The following RALGAPB variants were observed in gnomAD, a reference collection of about 807,000 sequenced individuals.
RALGAPB encodes the protein ral GTPase-activating protein subunit beta.
In RALGAPB, 25 loss-of-function variants were observed where a neutral mutation model predicts 161.1. The ratio of observed to expected loss-of-function variants is 0.16; its 90% confidence interval spans 0.11 to 0.22. The LOEUF (loss-of-function observed/expected upper bound fraction) is 0.22, where lower values mean the gene tolerates loss of function less well. RALGAPB is among the 10% of genes least tolerant of loss of function. The pLI, the probability that RALGAPB is intolerant of heterozygous loss-of-function variation, is 1.00. For missense variants in RALGAPB, 1,391 were observed against 1,815.2 expected, an observed-to-expected ratio of 0.77 and a Z score of 4.25; for synonymous variants, 629 against 626.1, an observed-to-expected ratio of 1.00 and a Z score of -0.07.
At chr20:38,558,262 G>A (rs2087657837) in intron 22 of RALGAPB, 33 bp from the exon 23 acceptor site, 1 of 1,448,080 alleles carries the variant, frequency 6.9e-7, no homozygotes, top group Non-Finnish European at 9.2e-7. Context: ...AAGAAAATAG[G>A]TAATAATTGC....
At chr20:38,488,202 A>G (rs201179261) in intron 1 of RALGAPB, among the ~76,000 whole-genome samples, 6 of 152,226 alleles carry the variant, frequency 3.9e-5, no homozygotes, top group Admixed American at 3.3e-4. Flanking sequence ...AATTAAAACA[A>G]GTATTATCCA....
At chr20:38,571,740 T>C (rs569906698) in intron 28 of RALGAPB, among the ~76,000 whole-genome samples, 1 of 152,286 alleles carries the variant, frequency 6.6e-6, no homozygotes, top group African/African-American at 2.4e-5. Context: ...GATTGCTGGA[T>C]CATATGAACA....
intron 28 of RALGAPB, among the ~76,000 whole-genome samples, chr20:38,571,106 G>A: frequency 6.6e-6 from 1 of 152,114 alleles, no homozygotes; most frequent in Non-Finnish European, 1.5e-5. Flanking sequence ...AACTTGATGA[G>A]CTTGGAGATA....
At chr20:38,524,219 A>G (rs1197799258) in intron 10 of RALGAPB, among the ~76,000 whole-genome samples, 1 of 152,234 alleles carries the variant, frequency 6.6e-6, no homozygotes, top group East Asian at 1.9e-4. Flanking sequence ...GGTGACCTTC[A>G]TGATGAATAC....
At chr20:38,509,254 C>T (rs746372786) in intron 6 of RALGAPB, 46 bp downstream of exon 6, 6 of 1,575,128 alleles carry the variant, frequency 3.8e-6, no homozygotes, top group Middle Eastern at 1.7e-4. Flanking sequence ...TAGTAAGTAT[C>T]TTAGGGCAGG....
intron 22 of RALGAPB, 22 bp downstream of exon 22, chr20:38,554,098 GAATA>G (rs761864483): frequency 6.5e-7 from 1 of 1,531,584 alleles, no homozygotes; most frequent in Non-Finnish European, 9.0e-7. Context: ...GAACTTTTAT[GAATA>G]AATATATTCA....
rs1267966240 is a variant in RALGAPB, at chr20:38,517,886, C to T, written c.1303C>T (p.Pro435Ser). 6.2e-7 allele frequency: 1 copy of T among 1,613,818 alleles called. No homozygotes were observed. The highest frequency in any genetic ancestry group is 8.5e-7 in the Non-Finnish European group (1 of 1,179,754). The change falls in exon 9 of 30, where the codon CCT (proline) becomes TCT (serine). Residue 435 changes from proline (P) to serine (S), a missense_variant. By Grantham distance (74) the Pro-to-Ser change is moderately conservative. Around this residue, in one of 3 missense-constraint regions of RALGAPB, gnomAD observed 946 missense variants for 1,257.2 expected, o/e 0.75. Coordinates refer to ENST00000262879, the MANE Select transcript of RALGAPB (RefSeq NM_020336.4). ...TSSEPRPLPAPRRPKVNSILN... is the reference protein window; with the variant it reads ...TSSEPRPLPASRRPKVNSILN... Reference sequence around the variant, plus strand: ...TTCAGAACCCCGGCCACTGCCTGCCCCTCGGAGACCAAAGGTTAACAGCAT... The same window carrying T: ...TTCAGAACCCCGGCCACTGCCTGCCTCTCGGAGACCAAAGGTTAACAGCAT...
At chr20:38,489,244 C>T (rs1170636682) in intron 2 of RALGAPB, among the ~76,000 whole-genome samples, 1 of 152,264 alleles carries the variant, frequency 6.6e-6, no homozygotes, top group South Asian at 2.1e-4. Context: ...AGTGGCACCA[C>T]GGCTCACTGC....
intron 1 of RALGAPB, among the ~76,000 whole-genome samples, chr20:38,473,730 T>G (rs1215751147): frequency 2.0e-5 from 3 of 152,200 alleles, no homozygotes; most frequent in Non-Finnish European, 4.4e-5. Context: ...TCTCCAACTT[T>G]GCTACACTGT....
At chr20:38,555,441 C>G (rs1236976828) in intron 22 of RALGAPB, among the ~76,000 whole-genome samples, 2 of 151,818 alleles carry the variant, frequency 1.3e-5, no homozygotes, top group African/African-American at 4.8e-5. Flanking sequence ...AACATAAAAA[C>G]TTAAAATGCA....
chr20:38,523,723 T>C (rs888401776), intron 10 of RALGAPB, among the ~76,000 whole-genome samples: 2 of 152,150 alleles, frequency 1.3e-5, no homozygotes, highest in African/African-American at 4.8e-5. Flanking sequence ...AAGAAGTGTT[T>C]AAAATCAGGT....
rs56716236 is a variant in RALGAPB, at chr20:38,577,698, GAC to G, written c.*2764_*2765del. The stretch of plus-strand genomic sequence containing the variant: ...ATTGGGCCTTTGAAAGGACTAATCA[GAC>G]ACACACACACACACACACACACACA... On this transcript the variant is annotated 3_prime_UTR_variant, in exon 30 of 30. Transcript: ENST00000262879. 4,099 of 146,276 alleles carry G rather than the reference GAC, an allele frequency of 0.028. 61 individuals are homozygous for G. The highest frequency in any genetic ancestry group is 0.034 in the Non-Finnish European group (2,243 of 66,662). 9.1% of individuals were successfully genotyped at this position (146,276 alleles called of 1,614,324 possible).
At position 38,574,304 on chromosome 20, in the gene RALGAPB, G is replaced by T. The variant is rs746469132; in HGVS notation, c.4291+6G>T. 6.3e-7 allele frequency: 1 copy of T among 1,584,156 alleles called. No individual in the cohort carries two copies. The highest frequency in any genetic ancestry group is 1.2e-5 in the South Asian group (1 of 85,190). On this transcript the variant is annotated splice_donor_region_variant and intron_variant, in intron 29 of 29. Transcript: ENST00000262879. ...TGTCAGCAGGCGAGCTCTTGGTAAG[G>T]TCTTCATATGTGGCCGAAGAGTTAA...
At chr20:38,512,837 G>GC (rs551012243) in intron 6 of RALGAPB, among the ~76,000 whole-genome samples, 131 of 152,304 alleles carry the variant, frequency 8.6e-4, no homozygotes, top group African/African-American at 2.9e-3. Context: ...TCTGCTCACT[G>GC]CAAGTTCCGC....
rs116381420 is a variant in RALGAPB, at chr20:38,475,089, G to A, written c.-31+2020G>A. Among the ~76,000 whole-genome samples the A allele has an allele frequency of 9.1e-3, 1,390 of 152,272 alleles. 22 individuals are homozygous for A. Among genetic ancestry groups the A allele is most frequent in the African/African-American group, 0.032 (1,309 of 41,546 alleles). On this transcript the variant is annotated intron_variant, in intron 1 of 29. Coordinates refer to ENST00000262879, the MANE Select transcript of RALGAPB (RefSeq NM_020336.4). The stretch of plus-strand genomic sequence containing the variant: ...CAATCAACATTGTTTGATTTTTAAT[G>A]TCTGATTCTATCACAATCGGACGCA...
At chr20:38,552,476 A>G (rs2087411891) in intron 21 of RALGAPB, among the ~76,000 whole-genome samples, 1 of 152,114 alleles carries the variant, frequency 6.6e-6, no homozygotes, top group South Asian at 2.1e-4. Flanking sequence ...ATTTTTTTAC[A>G]TTCAAGGATG....
intron 24 of RALGAPB, among the ~76,000 whole-genome samples, chr20:38,564,978 T>TGCCTGC (rs2087940181): frequency 6.6e-6 from 1 of 150,670 alleles, no homozygotes; most frequent in African/African-American, 2.4e-5. Flanking sequence ...TCTCTCTCTC[T>TGCCTGC]CTGCCTGCCT....
At chr20:38,536,680 A>G (rs2086817085) in intron 16 of RALGAPB, among the ~76,000 whole-genome samples, 1 of 152,208 alleles carries the variant, frequency 6.6e-6, no homozygotes, top group African/African-American at 2.4e-5. Context: ...ATAATATATA[A>G]TTGAGGAAAT....
chr20:38,477,381 C>T (rs1201194400), intron 1 of RALGAPB, among the ~76,000 whole-genome samples: 6 of 152,118 alleles, frequency 3.9e-5, no homozygotes, highest in South Asian at 2.1e-4. Context: ...GGTATTCAAA[C>T]GTTCTTTGGG....
Sources: allele counts gnomAD v4.1 joint callset (sites outside exome capture counted in the v4.1 genomes callset), GRCh38; gene constraint gnomAD v4.1.1; regional missense constraint gnomAD v4.1.1; transcripts MANE v1.5; gene names NCBI Gene and HGNC (gene_info 2026-07-23, HGNC 2026-07-21).